CHN1: variants seen among roughly 807,000 people sequenced by gnomAD.
CHN1 encodes the protein chimerin 1, also known as N-chimaerin.
CHN1 carries 37 observed loss-of-function variants against 59.5 expected under a neutral mutation model. The ratio of observed to expected loss-of-function variants is 0.62; its 90% CI spans 0.48 to 0.82. The LOEUF (loss-of-function observed/expected upper bound fraction) is 0.82, where lower values mean the gene tolerates loss of function less well. Among genes scored for constraint, CHN1 ranks in the 40% least tolerant of loss-of-function variants. The pLI is 0.00. For missense variants in CHN1, 469 were observed against 571.0 expected (o/e 0.82, Z 1.82); for synonymous variants, 206 against 200.4 (o/e 1.03, Z -0.24).
chr2:174,838,033 T>C (rs1686152297), intron 7 of CHN1, among the ~76,000 whole-genome samples: 1 of 152,208 alleles, frequency 6.6e-6, no homozygotes, highest in African/African-American at 2.4e-5. Flanking sequence ...TGATAAGACA[T>C]GTACGTATTC....
At chr2:174,895,196 G>GTATATATATATATA (rs200124327) in intron 5 of CHN1, among the ~76,000 whole-genome samples, 2 of 137,948 alleles carry the variant, frequency 1.4e-5, no homozygotes, top group African/African-American at 5.5e-5. Flanking sequence ...ATGTGTGTGT[G>GTATATATATATATA]TGTATATATA....
At chr2:174,861,270 C>CAT (rs935910214) in intron 6 of CHN1, among the ~76,000 whole-genome samples, 28 of 152,204 alleles carry the variant, frequency 1.8e-4, no homozygotes, top group African/African-American at 5.1e-4. Flanking sequence ...ATACATAAGG[C>CAT]ATATATTTTT....
intron 1 of CHN1, among the ~76,000 whole-genome samples, chr2:174,958,477 C>G (rs548797875): frequency 1.3e-5 from 2 of 152,218 alleles, no homozygotes; most frequent in African/African-American, 4.8e-5. Context: ...CCTCACAGAC[C>G]CTGTGCAAAG....
At chr2:174,917,144 C>G (rs1688870220) in intron 4 of CHN1, among the ~76,000 whole-genome samples, 1 of 151,972 alleles carries the variant, frequency 6.6e-6, no homozygotes, top group South Asian at 2.1e-4. Flanking sequence ...TTTAAAACCT[C>G]ATTGCAGTCC....
chr2:174,958,205 C>T (rs985118697), intron 1 of CHN1, among the ~76,000 whole-genome samples: 7 of 151,998 alleles, frequency 4.6e-5, no homozygotes, highest in African/African-American at 1.7e-4. Context: ...GGCATGTGTC[C>T]TGACTCCAAG....
chr2:174,947,476 T>A (rs1338737288), intron 2 of CHN1, among the ~76,000 whole-genome samples: 1 of 149,492 alleles, frequency 6.7e-6, no homozygotes, highest in Non-Finnish European at 1.5e-5. Context: ...TTAAGACTCT[T>A]TTTTTTTTTA....
chr2:174,899,427 A>C (rs1688319671), intron 5 of CHN1, among the ~76,000 whole-genome samples: 1 of 152,216 alleles, frequency 6.6e-6, no homozygotes, highest in Non-Finnish European at 1.5e-5. Context: ...AGATTTGCCA[A>C]AGATGGTAGC....
chr2:174,933,256 G>C (rs1257860563), intron 3 of CHN1, among the ~76,000 whole-genome samples: 2 of 152,174 alleles, frequency 1.3e-5, no homozygotes, highest in African/African-American at 4.8e-5. Flanking sequence ...ATTAAAACCT[G>C]AAACTGGTAA....
chr2:174,950,942 G>C (rs755887595), intron 2 of CHN1, among the ~76,000 whole-genome samples: 1 of 152,034 alleles, frequency 6.6e-6, no homozygotes, highest in Non-Finnish European at 1.5e-5. Flanking sequence ...ATCACGCCTA[G>C]CTAATTTTTG....
intron 8 of CHN1, among the ~76,000 whole-genome samples, chr2:174,812,789 T>C (rs1385996920): frequency 6.6e-6 from 1 of 152,114 alleles, no homozygotes; most frequent in Non-Finnish European, 1.5e-5. Context: ...ATATGTCAAA[T>C]AGCCAAAAAA....
At chr2:174,871,360 G>A (rs1011291665) in intron 6 of CHN1, among the ~76,000 whole-genome samples, 3 of 151,852 alleles carry the variant, frequency 2.0e-5, no homozygotes, top group South Asian at 2.1e-4. Context: ...GGAAAAATAC[G>A]TAGTAGCAAA....
intron 5 of CHN1, among the ~76,000 whole-genome samples, chr2:174,899,515 CT>C (rs1337636001): frequency 1.3e-5 from 2 of 152,162 alleles, no homozygotes; most frequent in African/African-American, 4.8e-5. Flanking sequence ...CACCAACAAG[CT>C]AAACATTGGT....
Position 174,939,713 on chromosome 2 carries a change from T to A in CHN1, c.114+5175A>T, listed in dbSNP as rs187256393. 2.6e-4 allele frequency among the ~76,000 whole-genome samples: 39 copies of A among 152,324 alleles called. No homozygotes were observed. In the East Asian group the frequency reaches 4.4e-3, roughly 17 times the overall value. On this transcript the variant is annotated intron_variant, in intron 3 of 12. Transcript: ENST00000409900. The stretch of plus-strand genomic sequence containing the variant: ...GAAACATTTTATTAAATAGCATTTT[T>A]AAAATTCCCATTACATGCAAATTAT...
rs1321477281 is a variant in CHN1 at position 174,943,766 on chromosome 2, C to G, written c.114+1122G>C. ...TTATTATCATAATTATTTTACCAGT[C>G]TCTGGTTTAATCCTTTCTGTGTTTC... On this transcript the variant is annotated intron_variant, in intron 3 of 12. Coordinates refer to ENST00000409900, the MANE Select transcript of CHN1 (RefSeq NM_001822.7). Among the ~76,000 whole-genome samples the G allele has an allele frequency of 2.0e-5, 3 of 152,000 alleles. No homozygotes were observed. The East Asian group carries it at 5.8e-4, about 29-fold the overall frequency.
At chr2:174,977,025 T>C (rs1396704135) in intron 1 of CHN1, among the ~76,000 whole-genome samples, 1 of 152,248 alleles carries the variant, frequency 6.6e-6, no homozygotes, top group Non-Finnish European at 1.5e-5. Flanking sequence ...CTATTTCTCC[T>C]TCTGTCCTTA....
Position 174,877,509 on chromosome 2 carries a change from C to T in CHN1, c.549+331G>A, listed in dbSNP as rs759595692. ...ATAATGCAACCCCCTCAATTACTTA[C>T]GTAATAGTAGCTATCTTTTCTTGAC... On this transcript the variant is annotated intron_variant, in intron 6 of 12. Transcript: ENST00000409900. Among the ~76,000 whole-genome samples, 22 of 152,122 alleles carry T rather than the reference C, an allele frequency of 1.4e-4. 1 individual carries two copies. Among genetic ancestry groups the T allele is most frequent in the Admixed American group, 1.4e-3 (22 of 15,260 alleles).
At chr2:174,847,852 G>T in intron 6 of CHN1, 1 of 435,938 alleles carries the variant, frequency 2.3e-6, no homozygotes, top group Non-Finnish European at 4.3e-6. Flanking sequence ...TTGCAAAATG[G>T]AATTTTTTTA....
At chr2:174,993,630 AAAAG>A (rs947455195) in intron 1 of CHN1, among the ~76,000 whole-genome samples, 5 of 151,936 alleles carry the variant, frequency 3.3e-5, no homozygotes, top group East Asian at 1.9e-4. Context: ...AAAAAAAAAA[AAAAG>A]AAAGAAAAAG....
chr2:174,998,983 G>A (rs2105472396), intron 1 of CHN1, among the ~76,000 whole-genome samples: 1 of 152,128 alleles, frequency 6.6e-6, no homozygotes, highest in African/African-American at 2.4e-5. Flanking sequence ...GGTTTTTAGT[G>A]TATTCACAAA....
Sources: gnomAD v4.1 joint callset for allele counts (sites outside exome capture counted in the v4.1 genomes callset) on GRCh38, gnomAD v4.1.1 for gene constraint, MANE v1.5 for transcripts, NCBI Gene and HGNC (gene_info 2026-07-23, HGNC 2026-07-21) for gene names.